CHD6: variants seen among roughly 807,000 people sequenced by gnomAD.
The protein encoded by CHD6 is chromodomain helicase DNA binding protein 6.
In CHD6, 50 loss-of-function variants were observed where a neutral mutation model predicts 276.9. The observed-to-expected ratio is 0.18, with a 90% CI of 0.14 to 0.23. CHD6 has a LOEUF of 0.23. CHD6 is among the 10% of genes least tolerant of loss of function. The probability of loss-of-function intolerance (pLI) is 1.00; values close to 1 mark genes in which losing one functional copy is unlikely to be tolerated. For missense variants in CHD6, 2,564 were observed against 3,365.8 expected (o/e 0.76, Z 5.89); for synonymous variants, 1,173 against 1,229.3 (o/e 0.95, Z 0.96).
At chr20:41,611,770 T>C (rs2045889870) in intron 1 of CHD6, among the ~76,000 whole-genome samples, 1 of 152,120 alleles carries the variant, frequency 6.6e-6, no homozygotes, top group African/African-American at 2.4e-5. Flanking sequence ...CTGGTGTAGC[T>C]GGGATTACAA....
rs61227802 is a variant in CHD6, at chr20:41,431,776, C to CTTTTTTTTTTTTTTTTTTTT, written c.4068+5497_4068+5498insAAAAAAAAAAAAAAAAAAAA. On this transcript the variant is annotated intron_variant, in intron 27 of 36. Transcript: ENST00000373233. ...AGGAATGACATGATGAAAAAACATG[C>CTTTTTTTTTTTTTTTTTTTT]TTTTTTTTTTTTTTTGCTTCATATA... 3.3e-4 allele frequency among the ~76,000 whole-genome samples: 35 copies of CTTTTTTTTTTTTTTTTTTTT among 104,768 alleles called. 3 individuals are homozygous for CTTTTTTTTTTTTTTTTTTTT. The highest frequency in any genetic ancestry group is 9.9e-4 in the East Asian group (3 of 3,036). The allele number at this position is 104,768 out of a possible 152,430, so 68.7% of individuals were successfully genotyped here. A position where few individuals can be genotyped will look rare whatever the true frequency, so the allele number is the denominator to read the frequency against.
At chr20:41,581,138 G>T (rs1328291917) in intron 1 of CHD6, among the ~76,000 whole-genome samples, 1 of 152,184 alleles carries the variant, frequency 6.6e-6, no homozygotes, top group Non-Finnish European at 1.5e-5. Flanking sequence ...TAATAATTAA[G>T]GTAGAATGCA....
intron 1 of CHD6, among the ~76,000 whole-genome samples, chr20:41,603,270 A>G (rs1185639313): frequency 1.3e-5 from 2 of 152,074 alleles, no homozygotes; most frequent in African/African-American, 4.8e-5. Flanking sequence ...TGAACCTGGG[A>G]GGCGGAGGTT....
intron 3 of CHD6, among the ~76,000 whole-genome samples, chr20:41,516,149 C>T (rs2044244764): frequency 1.3e-5 from 2 of 150,152 alleles, no homozygotes; most frequent in Admixed American, 1.3e-4. Flanking sequence ...TTCACAACAG[C>T]CCTGTAAAGC....
At chr20:41,539,800 G>C (rs1332038195) in intron 2 of CHD6, among the ~76,000 whole-genome samples, 3 of 152,068 alleles carry the variant, frequency 2.0e-5, no homozygotes, top group Admixed American at 6.6e-5. Context: ...ATAATAACCT[G>C]TTTGCCAATC....
intron 1 of CHD6, among the ~76,000 whole-genome samples, chr20:41,606,419 C>T (rs548466027): frequency 5.1e-4 from 78 of 152,220 alleles, no homozygotes; most frequent in African/African-American, 1.8e-3. Flanking sequence ...GAGGCTGAGG[C>T]GGGAGAATGG....
intron 7 of CHD6, 76 bp downstream of exon 7, chr20:41,498,092 G>A: frequency 9.9e-7 from 1 of 1,005,846 alleles, no homozygotes; most frequent in South Asian, 1.4e-5. Flanking sequence ...AGATGTAGAA[G>A]ATAATAAAGT....
At chr20:41,478,175 C>A (rs1255157993) in intron 16 of CHD6, among the ~76,000 whole-genome samples, 1 of 152,140 alleles carries the variant, frequency 6.6e-6, no homozygotes, top group South Asian at 2.1e-4. Flanking sequence ...AGTGCACAGT[C>A]AACAAGCCTT....
At chr20:41,584,255 CATA>C (rs2146242375) in intron 1 of CHD6, among the ~76,000 whole-genome samples, 1 of 152,244 alleles carries the variant, frequency 6.6e-6, no homozygotes, top group African/African-American at 2.4e-5. Context: ...AGAGACATCA[CATA>C]ATGATGAGTT....
intron 23 of CHD6, among the ~76,000 whole-genome samples, chr20:41,448,587 T>G (rs2048140532): frequency 6.6e-6 from 1 of 152,180 alleles, no homozygotes; most frequent in Non-Finnish European, 1.5e-5. Flanking sequence ...ACAAAAGTAA[T>G]GCCTTTCGCC....
At chr20:41,585,143 A>T (rs6029727) in intron 1 of CHD6, among the ~76,000 whole-genome samples, 1 of 152,234 alleles carries the variant, frequency 6.6e-6, no homozygotes. Flanking sequence ...AAATTTCTGT[A>T]TATAAATTTG....
chr20:41,417,502 T>A lies in CHD6; in HGVS notation c.6128-153A>T, dbSNP rs1003410310. On this transcript the variant is annotated intron_variant, in intron 31 of 36. Transcript: ENST00000373233. ...GAATATTAATTATGATATCTTCTATTTCCAGGAGAACCGTATCAGTTAAGC... is the reference window on the plus strand; with the variant it reads ...GAATATTAATTATGATATCTTCTATATCCAGGAGAACCGTATCAGTTAAGC... Among the ~76,000 whole-genome samples the A allele has an allele frequency of 7.2e-5, 11 of 152,352 alleles. No homozygotes were observed. The East Asian group carries it at 1.9e-3, about 27-fold the overall frequency.
In CHD6 at chr20:41,452,714, C is replaced by T. The variant is rs1280890135; in HGVS notation, c.3323+26G>A. On this transcript the variant is annotated intron_variant, in intron 21 of 36. Coordinates refer to ENST00000373233, the MANE Select transcript of CHD6 (RefSeq NM_032221.5). The surrounding 1 kb of genome is among the most constrained non-coding windows in gnomAD (Gnocchi z 4.2). The stretch of plus-strand genomic sequence containing the variant: ...AGAGGGGAACAAACAACAATAACAA[C>T]AAAACTAAGCAGAGCCAATACCCAC... 1 of 1,599,432 alleles carries T rather than the reference C, an allele frequency of 6.3e-7. No homozygotes were observed. The highest frequency in any genetic ancestry group is 1.1e-5 in the South Asian group (1 of 90,140).
chr20:41,554,919 G>T (rs1244088472), intron 1 of CHD6, among the ~76,000 whole-genome samples: 2 of 152,096 alleles, frequency 1.3e-5, no homozygotes, highest in Admixed American at 1.3e-4. Flanking sequence ...CGGGGTGGTG[G>T]CCAGGCAGAG....
chr20:41,488,432 G>T lies in CHD6; in HGVS notation c.1853C>A (p.Ala618Asp), dbSNP rs1209672910. The change falls in exon 13 of 37, where the codon GCC (alanine) becomes GAC (aspartate). Residue 618 changes from alanine (A) to aspartate (D), a missense_variant. By Grantham distance (126) the Ala-to-Asp change is moderately radical. This residue lies in a region of CHD6 where 457 missense variants were observed against 889.0 expected (regional missense o/e 0.51). Transcript: ENST00000373233. ...CKLLEGLKLM[A>D]LEHKVLLTGT... ...TAAAGAGATGCTAACTCTCACCAGG[G>T]CCATAAGCTTTAGACCCTCCAGAAG... The T allele has an allele frequency of 1.7e-5, 28 of 1,610,970 alleles. No homozygotes were observed. The highest frequency in any genetic ancestry group is 2.3e-5 in the Non-Finnish European group (27 of 1,178,896).
Position 41,433,428 on chromosome 20 carries a change from C to G in CHD6, c.4068+3846G>C, listed in dbSNP as rs182819146. Reference sequence around the variant, plus strand: ...GAATGACAGATTTCTCATCAGAAACCATGGAGGCCAGAAGCAAGCGGCAGT... The same window carrying G: ...GAATGACAGATTTCTCATCAGAAACGATGGAGGCCAGAAGCAAGCGGCAGT... On this transcript the variant is annotated intron_variant, in intron 27 of 36. Transcript: ENST00000373233. Among the ~76,000 whole-genome samples the G allele has an allele frequency of 1.3e-3, 191 of 152,100 alleles. 2 individuals are homozygous for G. The highest frequency in any genetic ancestry group is 8.7e-3 in the East Asian group (45 of 5,182).
chr20:41,425,109 C>A, intron 29 of CHD6, 69 bp downstream of exon 29: 1 of 1,258,198 alleles, frequency 7.9e-7, no homozygotes, highest in Non-Finnish European at 1.2e-6. Flanking sequence ...CTCCAAGCTA[C>A]CGGCTTTACC....
intron 17 of CHD6, among the ~76,000 whole-genome samples, chr20:41,460,589 A>G (rs1259511164): frequency 6.6e-6 from 1 of 152,246 alleles, no homozygotes; most frequent in Non-Finnish European, 1.5e-5. Context: ...GAAAGCACCA[A>G]ACCTTGGCAG....
At chr20:41,454,503 T>G in intron 20 of CHD6, 123 bp downstream of exon 20, 1 of 680,752 alleles carries the variant, frequency 1.5e-6, no homozygotes, top group African/African-American at 1.8e-5. Context: ...ATTTTAAGCA[T>G]GGTACAAATA....
Sources: gnomAD v4.1 joint callset for allele counts (sites outside exome capture counted in the v4.1 genomes callset) on GRCh38, gnomAD v4.1.1 for gene constraint, gnomAD v4.1.1 regional missense constraint, Gnocchi (gnomAD v3.1) non-coding constraint, MANE v1.5 for transcripts, NCBI Gene and HGNC (gene_info 2026-07-23, HGNC 2026-07-21) for gene names.